The following EEF1AKMT1 variants were observed in gnomAD, a reference collection of about 807,000 sequenced individuals.
The protein encoded by EEF1AKMT1 is N-6 adenine-specific DNA methyltransferase 2 (putative).
In EEF1AKMT1, 18 loss-of-function variants were observed where a neutral mutation model predicts 21.0. That is an observed-to-expected ratio of 0.86 (90% CI 0.59 to 1.27). The LOEUF (loss-of-function observed/expected upper bound fraction) is 1.27. Among genes scored for constraint, EEF1AKMT1 ranks in the 50% most tolerant of loss-of-function variants. The pLI is 0.00. For synonymous variants in EEF1AKMT1, 109 were observed against 94.8 expected (o/e 1.15, Z -0.87); for missense variants, 246 against 258.6 (o/e 0.95, Z 0.33).
chr13:20,753,510 T>C (rs561587005), intron 2 of EEF1AKMT1, among the ~76,000 whole-genome samples: 35 of 152,298 alleles, frequency 2.3e-4, no homozygotes, highest in Non-Finnish European at 3.4e-4. Context: ...AGATGATCTA[T>C]CTAATGTTGG....
intron 1 of EEF1AKMT1, among the ~76,000 whole-genome samples, chr13:20,767,305 C>CAAAAAAAAAA (rs61703956): frequency 2.5e-5 from 1 of 40,348 alleles, no homozygotes; most frequent in Non-Finnish European, 5.1e-5. Flanking sequence ...GATTCTGTCT[C>CAAAAAAAAAA]AAAAAAAAAA....
intron 2 of EEF1AKMT1, among the ~76,000 whole-genome samples, chr13:20,739,107 G>T (rs920158739): frequency 1.3e-5 from 2 of 151,988 alleles, no homozygotes; most frequent in African/African-American, 2.4e-5. Context: ...GCAGACCTTC[G>T]CCAAGAGGAT....
chr13:20,748,408 C>G (rs915234430), intron 2 of EEF1AKMT1, among the ~76,000 whole-genome samples: 2 of 150,988 alleles, frequency 1.3e-5, no homozygotes, highest in Non-Finnish European at 2.9e-5. Flanking sequence ...GCACTCCAAC[C>G]TGGGCGACAG....
Position 20,728,884 on chromosome 13 carries a change from T to C in EEF1AKMT1, c.*196A>G. ...CAACTCGAATTCCATGGATTCAGGT[T>C]GGCAGAAGACTGAGCTCTAGGGACG... On this transcript the variant is annotated 3_prime_UTR_variant, in exon 5 of 5. Transcript: ENST00000382758. 1 of 621,312 alleles carries C rather than the reference T, an allele frequency of 1.6e-6. No homozygotes were observed. The highest frequency in any genetic ancestry group is 2.8e-6 in the Non-Finnish European group (1 of 360,064). 38.5% of individuals were successfully genotyped at this position (621,312 alleles called of 1,614,324 possible).
chr13:20,766,719 G>C (rs2059035281), intron 1 of EEF1AKMT1, among the ~76,000 whole-genome samples: 1 of 152,050 alleles, frequency 6.6e-6, no homozygotes, highest in African/African-American at 2.4e-5. Context: ...CTACTCAGGA[G>C]GCTGAGACAA....
At chr13:20,736,580 C>T (rs1413732388) in intron 3 of EEF1AKMT1, among the ~76,000 whole-genome samples, 1 of 151,890 alleles carries the variant, frequency 6.6e-6, no homozygotes, top group African/African-American at 2.4e-5. Flanking sequence ...ACCATGCACA[C>T]TGGGACAGGT....
chr13:20,760,474 G>A (rs2058995705), intron 1 of EEF1AKMT1, among the ~76,000 whole-genome samples: 1 of 152,052 alleles, frequency 6.6e-6, no homozygotes, highest in South Asian at 2.1e-4. Context: ...ACTTGTAGAC[G>A]GGAGCTAAAC....
chr13:20,732,111 C>G lies in EEF1AKMT1; in HGVS notation c.238G>C (p.Val80Leu). 6.2e-7 allele frequency: 1 copy of G among 1,609,692 alleles called. No individual in the cohort carries two copies. The highest frequency in any genetic ancestry group is 8.5e-7 in the Non-Finnish European group (1 of 1,177,970). The change falls in exon 4 of 5, where the codon GTG becomes CTG. Residue 80 changes from valine to leucine, a missense_variant. Transcript: ENST00000382758. ...AVGEGGRIAC[V>L]SAPSVYQKLR... ...TTCTGGTAAACACTAGGGGCACTCA[C>G]ACATGCGATTCTAGGAGACAAAATG...
chr13:20,738,519 GT>G (rs1481302920), intron 2 of EEF1AKMT1, among the ~76,000 whole-genome samples: 3 of 152,214 alleles, frequency 2.0e-5, no homozygotes, highest in Admixed American at 2.0e-4. Context: ...GGGGCAGCCA[GT>G]TGCATGGGGC....
intron 1 of EEF1AKMT1, among the ~76,000 whole-genome samples, chr13:20,764,400 GAA>G (rs1420857667): frequency 2.0e-5 from 3 of 152,178 alleles, no homozygotes; most frequent in Non-Finnish European, 4.4e-5. Context: ...TAAAAATGCT[GAA>G]GTTTGTGTAA....
At chr13:20,738,005 C>T (rs1039723016) in intron 2 of EEF1AKMT1, among the ~76,000 whole-genome samples, 200 bp from the exon 3 acceptor site, 1 of 151,794 alleles carries the variant, frequency 6.6e-6, no homozygotes, top group Non-Finnish European at 1.5e-5. Context: ...TAATACAAGC[C>T]CCTAATGAAT....
chr13:20,728,734 T>C lies in EEF1AKMT1; in HGVS notation c.*346A>G. ...GCCCTAGGATGCTACCAGACTGCTC[T>C]GGCCCGAGGCAGAGGCCAAGGTCCT... is the stretch of plus-strand genomic sequence containing the variant. On this transcript the variant is annotated 3_prime_UTR_variant, in exon 5 of 5. Transcript: ENST00000382758. 3.5e-6 allele frequency: 1 copy of C among 282,418 alleles called. No homozygotes were observed. The highest frequency in any genetic ancestry group is 6.8e-6 in the Non-Finnish European group (1 of 147,346). 17.5% of individuals were successfully genotyped at this position (282,418 alleles called of 1,614,324 possible).
At chr13:20,748,752 CAG>C (rs2058925338) in intron 2 of EEF1AKMT1, among the ~76,000 whole-genome samples, 1 of 62,988 alleles carries the variant, frequency 1.6e-5, no homozygotes, top group Non-Finnish European at 3.0e-5. Flanking sequence ...TTTTTTGAGA[CAG>C]AGTCTCACTC....
chr13:20,748,724 TG>T (rs2058923978), intron 2 of EEF1AKMT1, among the ~76,000 whole-genome samples: 12 of 76,276 alleles, frequency 1.6e-4, no homozygotes, highest in Non-Finnish European at 2.3e-4. Flanking sequence ...TGTTTTTTTT[TG>T]GTTTTTTTTT....
At chr13:20,767,978 C>T (rs1382174844) in intron 1 of EEF1AKMT1, among the ~76,000 whole-genome samples, 1 of 152,222 alleles carries the variant, frequency 6.6e-6, no homozygotes. Context: ...CCAAAAGTTA[C>T]ATGAGTCTTT....
At chr13:20,734,971 T>G (rs768865927) in intron 3 of EEF1AKMT1, among the ~76,000 whole-genome samples, 1 of 152,174 alleles carries the variant, frequency 6.6e-6, no homozygotes, top group Non-Finnish European at 1.5e-5. Context: ...TGCTCCCTCA[T>G]GAAAGCCCAC....
intron 1 of EEF1AKMT1, among the ~76,000 whole-genome samples, chr13:20,767,221 G>A (rs1046731203): frequency 6.9e-6 from 1 of 145,790 alleles, no homozygotes; most frequent in Non-Finnish European, 1.5e-5. Context: ...CAGGAGAATG[G>A]CATGAACCCG....
intron 2 of EEF1AKMT1, chr13:20,748,059 A>C (rs1010881446): frequency 5.3e-6 from 1 of 187,872 alleles, no homozygotes; most frequent in East Asian, 1.4e-4. Context: ...GGCAGTCATC[A>C]TGATGTTCCT....
At chr13:20,757,733 A>C in intron 1 of EEF1AKMT1, 116 bp from the exon 2 acceptor site, 1 of 764,462 alleles carries the variant, frequency 1.3e-6, no homozygotes, top group Non-Finnish European at 2.0e-6. Flanking sequence ...AGTTTTATAC[A>C]AGTAAACCAA....
Sources: gnomAD v4.1 joint callset for allele counts (sites outside exome capture counted in the v4.1 genomes callset) on GRCh38, gnomAD v4.1.1 for gene constraint, MANE v1.5 for transcripts, NCBI Gene and HGNC (gene_info 2026-07-23, HGNC 2026-07-21) for gene names.